Variants in NIN observed in about 807,000 individuals in gnomAD.
The protein encoded by NIN is glycogen synthase kinase 3 beta-interacting protein.
Under a neutral mutation model 257.6 loss-of-function variants are expected in NIN, and 137 were observed. The observed-to-expected ratio is 0.53, with a 90% confidence interval of 0.46 to 0.61. NIN has a LOEUF of 0.61. Among genes scored for constraint, NIN ranks in the 20% least tolerant of loss-of-function variants. The pLI is 0.00. For synonymous variants in NIN, 918 were observed against 919.8 expected (o/e 1.00, Z 0.04); for missense variants, 2,439 against 2,501.2 (o/e 0.98, Z 0.53).
chr14:50,805,530 CCATACACACAACA>C (rs1292489966), intron 4 of NIN, among the ~76,000 whole-genome samples: 2 of 152,168 alleles, frequency 1.3e-5, no homozygotes, highest in Non-Finnish European at 2.9e-5. Flanking sequence ...AAGGCAGTGT[CCATACACACAACA>C]CAAATCTGGA....
chr14:50,793,451 A>G (rs951466213), intron 4 of NIN, among the ~76,000 whole-genome samples: 15 of 152,140 alleles, frequency 9.9e-5, no homozygotes, highest in Admixed American at 9.8e-4. Context: ...AATGACAGCT[A>G]GTTACGTATA....
intron 30 of NIN, among the ~76,000 whole-genome samples, chr14:50,725,275 G>T (rs1195673292): frequency 1.3e-5 from 2 of 152,004 alleles, no homozygotes; most frequent in Non-Finnish European, 2.9e-5. Context: ...TTCCAGAGAG[G>T]CTATAACACT....
chr14:50,727,864 A>T (rs1006527345), intron 29 of NIN: 1 of 835,698 alleles, frequency 1.2e-6, no homozygotes, highest in South Asian at 1.4e-5. Flanking sequence ...ACACACATTA[A>T]CACTACATAG....
intron 25 of NIN, among the ~76,000 whole-genome samples, chr14:50,740,279 C>T (rs1381473765): frequency 1.1e-4 from 16 of 151,776 alleles, no homozygotes; most frequent in Non-Finnish European, 1.9e-4. Flanking sequence ...CTCCACCTCC[C>T]GGGCTCAAGC....
At chr14:50,743,889 G>T (rs2041411448) in intron 23 of NIN, among the ~76,000 whole-genome samples, 1 of 152,046 alleles carries the variant, frequency 6.6e-6, no homozygotes, top group Admixed American at 6.6e-5. Flanking sequence ...GGTGTTTTGG[G>T]ATTTGCTAAA....
chr14:50,763,985 C>T (rs768872855), intron 14 of NIN, 21 bp from the exon 15 acceptor site: 2 of 1,608,526 alleles, frequency 1.2e-6, no homozygotes, highest in Non-Finnish European at 1.7e-6. Context: ...AAAACCAACA[C>T]TGGTCTTAGA....
rs993943683 is a variant in NIN at position 50,722,616 on chromosome 14, A to G, written c.*847T>C. 2 of 214,138 alleles carry G rather than the reference A, an allele frequency of 9.3e-6. No homozygotes were observed. The highest frequency in any genetic ancestry group is 2.3e-5 in the African/African-American group (1 of 44,340). 13.3% of individuals were successfully genotyped at this position (214,138 alleles called of 1,614,324 possible). ...TTATGAACTCTAAGATTTGAGAGAC[A>G]GAAAACCTACATGGTCTGCTTATCC... is the stretch of plus-strand genomic sequence containing the variant. On this transcript the variant is annotated 3_prime_UTR_variant, in exon 31 of 31. Coordinates refer to ENST00000530997, the MANE Select transcript of NIN (RefSeq NM_020921.4).
In NIN at chr14:50,727,321, G is replaced by T. The variant is rs181853871; in HGVS notation, c.6079-1255C>A. ...ATACAAAACAGTATAAATACCCCTG[G>T]TTTTCTTCAAATTCCATATATAAAA... On this transcript the variant is annotated intron_variant, in intron 29 of 30. Coordinates refer to ENST00000530997, the MANE Select transcript of NIN (RefSeq NM_020921.4). The T allele has an allele frequency of 4.1e-6, 4 of 987,510 alleles. No individual in the cohort carries two copies. In the Admixed American group the frequency reaches 2.2e-4, roughly 55 times the overall value. The allele number at this position is 987,510 out of a possible 1,614,324, so 61.2% of individuals were successfully genotyped here. A position where few individuals can be genotyped will look rare whatever the true frequency, so the allele number is the denominator to read the frequency against.
At chr14:50,800,694 A>G (rs2044059484) in intron 4 of NIN, among the ~76,000 whole-genome samples, 1 of 152,058 alleles carries the variant, frequency 6.6e-6, no homozygotes, top group Admixed American at 6.5e-5. Flanking sequence ...AGTGTTTCCA[A>G]TTTCAGGATT....
chr14:50,800,645 A>G (rs945555508), intron 4 of NIN, among the ~76,000 whole-genome samples: 13 of 152,224 alleles, frequency 8.5e-5, no homozygotes, highest in Admixed American at 7.9e-4. Flanking sequence ...AGGTAATCCT[A>G]GAAAGGTTCT....
chr14:50,797,008 A>G (rs1235365070), intron 4 of NIN, among the ~76,000 whole-genome samples: 1 of 152,210 alleles, frequency 6.6e-6, no homozygotes, highest in Non-Finnish European at 1.5e-5. Flanking sequence ...TGAACACTAT[A>G]TATTCAATTG....
Position 50,757,148 on chromosome 14 carries a change from C to T in NIN, c.3882G>A (p.Leu1294=), listed in dbSNP as rs944490526. 2 of 1,612,466 alleles carry T rather than the reference C, an allele frequency of 1.2e-6. No individual in the cohort carries two copies. Among genetic ancestry groups the T allele is most frequent in the South Asian group, 1.1e-5 (1 of 90,802 alleles). ...TAEVFRLQDE[L]KKMEEVTETF... The stretch of plus-strand genomic sequence containing the variant: ...TTTCAGTGACTTCCTCCATTTTCTT[C>T]AGCTCATCCTGCAACCTGAAAACCT... Residue 1294 remains leucine, a synonymous_variant, in exon 18 of 31, where the codon CTG becomes CTA. Transcript: ENST00000530997.
In NIN at chr14:50,720,490, A is replaced by G. The variant is rs1454398489; in HGVS notation, c.*2973T>C. The G allele has an allele frequency of 1.9e-5, 4 of 209,778 alleles. No homozygotes were observed. In the East Asian group the frequency reaches 2.2e-4, roughly 11 times the overall value. 13.0% of individuals were successfully genotyped at this position (209,778 alleles called of 1,614,324 possible). The stretch of plus-strand genomic sequence containing the variant: ...TAATATCTGCCCTGGGTAATAGTGC[A>G]TTATTAAAATACTAGACCTGCAAGA... On this transcript the variant is annotated 3_prime_UTR_variant, in exon 31 of 31. Coordinates refer to ENST00000530997, the MANE Select transcript of NIN (RefSeq NM_020921.4).
Position 50,757,165 on chromosome 14 carries a change from T to C in NIN, c.3865A>G (p.Arg1289Gly), listed in dbSNP as rs773601986. ...ATTTTCTTCAGCTCATCCTGCAACCTGAAAACCTCTGCAGTGAGTTCTTTG... is the reference window on the plus strand; with the variant it reads ...ATTTTCTTCAGCTCATCCTGCAACCCGAAAACCTCTGCAGTGAGTTCTTTG... ...NNKELTAEVFRLQDELKKMEE... is the reference protein window; with the variant it reads ...NNKELTAEVFGLQDELKKMEE... Residue 1289 changes from arginine to glycine, a missense_variant, in exon 18 of 31, where the codon AGG (arginine) becomes GGG (glycine). By Grantham distance (125) the Arg-to-Gly change is moderately radical. Around this residue, in one of 3 missense-constraint regions of NIN, gnomAD observed 2,043 missense variants for 2,050.2 expected, o/e 1.00. Transcript: ENST00000530997. The C allele has an allele frequency of 1.4e-5, 22 of 1,612,898 alleles. No homozygotes were observed. Among genetic ancestry groups the C allele is most frequent in the Non-Finnish European group, 1.7e-5 (20 of 1,179,700 alleles).
At chr14:50,743,241 G>A (rs1192692399) in intron 24 of NIN, among the ~76,000 whole-genome samples, 175 bp downstream of exon 24, 3 of 151,928 alleles carry the variant, frequency 2.0e-5, no homozygotes, top group Admixed American at 6.6e-5. Flanking sequence ...AAGTGCTGGT[G>A]AGCCACCATG....
At chr14:50,808,308 A>C (rs542420827) in intron 3 of NIN, among the ~76,000 whole-genome samples, 1 of 152,352 alleles carries the variant, frequency 6.6e-6, no homozygotes, top group Admixed American at 6.5e-5. Flanking sequence ...TAACATGCGC[A>C]AGGCCAGCTT....
Position 50,754,867 on chromosome 14 carries a change from T to G in NIN, c.4539A>C (p.Arg1513Ser), listed in dbSNP as rs1206365561. 2 of 1,560,564 alleles carry G rather than the reference T, an allele frequency of 1.3e-6. No homozygotes were observed. The highest frequency in any genetic ancestry group is 1.7e-6 in the Non-Finnish European group (2 of 1,157,550). ...SEMQQKVELL[R>S]YESEKLQQEN... ...CCTGTTGAAGCTTTTCAGATTCATA[T>G]CTGAAGCACAGAGATTGAAAAAAAT... Residue 1513 changes from arginine to serine, a missense_variant and splice_region_variant, in exon 19 of 31, where the codon AGA (arginine) becomes AGC (serine). Arg to Ser is a moderately radical substitution (Grantham distance 110). Around this residue, in one of 3 missense-constraint regions of NIN, gnomAD observed 2,043 missense variants for 2,050.2 expected, o/e 1.00. Coordinates refer to ENST00000530997, the MANE Select transcript of NIN (RefSeq NM_020921.4).
At chr14:50,740,609 A>G (rs573593600) in intron 25 of NIN, among the ~76,000 whole-genome samples, 5 of 152,206 alleles carry the variant, frequency 3.3e-5, no homozygotes, top group African/African-American at 1.2e-4. Context: ...AGGCCTCCCA[A>G]AGTGCTGGGA....
At chr14:50,753,361 T>C (rs534549121) in intron 20 of NIN, among the ~76,000 whole-genome samples, 2 of 152,224 alleles carry the variant, frequency 1.3e-5, no homozygotes, top group East Asian at 1.9e-4. Flanking sequence ...GATTGCGCCA[T>C]TGCACTCCAG....
Sources: gnomAD v4.1 joint callset for allele counts (sites outside exome capture counted in the v4.1 genomes callset) on GRCh38, gnomAD v4.1.1 for gene constraint, gnomAD v4.1.1 regional missense constraint, MANE v1.5 for transcripts, NCBI Gene and HGNC (gene_info 2026-07-23, HGNC 2026-07-21) for gene names.